The following MCUB variants were observed in gnomAD, a reference collection of about 807,000 sequenced individuals.
MCUB encodes the protein calcium uniporter regulatory subunit MCUb, mitochondrial.
In MCUB, 46 loss-of-function variants were observed where a neutral mutation model predicts 41.4. The ratio of observed to expected loss-of-function variants is 1.11; its 90% confidence interval spans 0.88 to 1.42. The LOEUF is 1.42. MCUB is among the 40% of genes most tolerant of loss of function. The probability of loss-of-function intolerance (pLI) is 0.00; values close to 1 mark genes in which losing one functional copy is unlikely to be tolerated. For missense variants in MCUB, 403 were observed against 404.9 expected (o/e 1.00, Z 0.04); for synonymous variants, 148 against 148.2 (o/e 1.00, Z 0.01).
chr4:109,616,615 G>A (rs1728133396), intron 1 of MCUB, among the ~76,000 whole-genome samples: 1 of 152,132 alleles, frequency 6.6e-6, no homozygotes, highest in South Asian at 2.1e-4. Flanking sequence ...TCTTGAGAGA[G>A]TTGCATACGT....
At chr4:109,565,296 A>G (rs1012064659) in intron 1 of MCUB, among the ~76,000 whole-genome samples, 1 of 152,222 alleles carries the variant, frequency 6.6e-6, no homozygotes, top group Non-Finnish European at 1.5e-5. Flanking sequence ...TTGCATAAAC[A>G]ACACCACTGG....
Position 109,666,894 on chromosome 4 carries a change from G to A in MCUB, c.451+2500G>A, listed in dbSNP as rs1471016213. The stretch of plus-strand genomic sequence containing the variant: ...AGTCTGTTGATATGATGGATTACAT[G>A]AATTCATATTCAAGTGTTGAGCCTT... On this transcript the variant is annotated intron_variant, in intron 4 of 7. Coordinates refer to ENST00000394650, the MANE Select transcript of MCUB (RefSeq NM_017918.5). 3.3e-5 allele frequency among the ~76,000 whole-genome samples: 5 copies of A among 152,234 alleles called. No individual in the cohort carries two copies. The South Asian group carries it at 1.0e-3, about 32-fold the overall frequency.
At chr4:109,584,360 C>G (rs763067358) in intron 1 of MCUB, among the ~76,000 whole-genome samples, 1 of 152,120 alleles carries the variant, frequency 6.6e-6, no homozygotes, top group Non-Finnish European at 1.5e-5. Flanking sequence ...ATTAGTCTTG[C>G]TAGCAGTCTA....
chr4:109,663,073 C>T (rs190090966), intron 3 of MCUB, among the ~76,000 whole-genome samples: 2 of 152,302 alleles, frequency 1.3e-5, no homozygotes, highest in Non-Finnish European at 2.9e-5. Context: ...AGACAAGAGG[C>T]AGCAGCCAGT....
intron 1 of MCUB, among the ~76,000 whole-genome samples, chr4:109,648,099 A>G (rs780532032): frequency 6.6e-6 from 1 of 152,240 alleles, no homozygotes; most frequent in African/African-American, 2.4e-5. Context: ...CAATATACCC[A>G]AATATTTCAA....
rs190205279 is a variant in MCUB at position 109,645,702 on chromosome 4, C to T, written c.100-13309C>T. Reference sequence around the variant, plus strand: ...TTTCTCTACTCACTGCATAGAGAGCCCTGCTCAGTGTACCCACTGTGCATG... The same window carrying T: ...TTTCTCTACTCACTGCATAGAGAGCTCTGCTCAGTGTACCCACTGTGCATG... On this transcript the variant is annotated intron_variant, in intron 1 of 7. Transcript: ENST00000394650. Among the ~76,000 whole-genome samples the T allele has an allele frequency of 7.9e-5, 12 of 152,240 alleles. No homozygotes were observed. The East Asian group carries it at 2.3e-3, about 30-fold the overall frequency.
intron 1 of MCUB, chr4:109,648,694 AT>A (rs34522361): frequency 0.12 from 28,459 of 236,492 alleles, 393 homozygotes; most frequent in African/African-American, 0.17. Flanking sequence ...TAGCAGTTTG[AT>A]TTTTTTTTTT....
intron 1 of MCUB, among the ~76,000 whole-genome samples, chr4:109,609,587 C>T (rs548261301): frequency 6.6e-6 from 1 of 152,268 alleles, no homozygotes; most frequent in South Asian, 2.1e-4. Context: ...TGTCTAACCT[C>T]CTGGGAATGT....
chr4:109,622,365 A>T (rs992358118), intron 1 of MCUB, among the ~76,000 whole-genome samples: 4 of 152,180 alleles, frequency 2.6e-5, no homozygotes, highest in African/African-American at 7.2e-5. Context: ...TAAAGAAAAA[A>T]TTTTTAATAA....
At chr4:109,664,535 C>G (rs1000137943) in intron 4 of MCUB, 141 bp downstream of exon 4, 1 of 556,784 alleles carries the variant, frequency 1.8e-6, no homozygotes, top group Non-Finnish European at 3.2e-6. Context: ...AACAATCCTC[C>G]CACCTCAGCC....
chr4:109,685,706 A>G (rs1729824577), intron 7 of MCUB, among the ~76,000 whole-genome samples: 2 of 152,250 alleles, frequency 1.3e-5, no homozygotes, highest in South Asian at 4.1e-4. Flanking sequence ...TAAGGCATTT[A>G]TAAGTTTCTT....
intron 1 of MCUB, among the ~76,000 whole-genome samples, chr4:109,611,225 G>A (rs1299767116): frequency 6.6e-6 from 1 of 152,174 alleles, no homozygotes; most frequent in African/African-American, 2.4e-5. Context: ...CAAGGTCTAG[G>A]CTTCTGTAAA....
intron 4 of MCUB, among the ~76,000 whole-genome samples, chr4:109,669,710 T>TC (rs1729415293): frequency 6.6e-6 from 1 of 151,532 alleles, no homozygotes; most frequent in Non-Finnish European, 1.5e-5. Context: ...TTTTTTTTTT[T>TC]CAGTCTTTTT....
intron 1 of MCUB, among the ~76,000 whole-genome samples, chr4:109,600,849 C>G (rs1477192119): frequency 6.6e-6 from 1 of 152,038 alleles, no homozygotes; most frequent in African/African-American, 2.4e-5. Flanking sequence ...GGCAGGAGTA[C>G]AGTGGCATAA....
At chr4:109,614,030 A>G (rs1448032940) in intron 1 of MCUB, among the ~76,000 whole-genome samples, 2 of 152,192 alleles carry the variant, frequency 1.3e-5, no homozygotes, top group African/African-American at 2.4e-5. Flanking sequence ...AGGTTCATGT[A>G]TCCACCACCA....
rs772480053 is a variant in MCUB, at chr4:109,684,555, T to C, written c.725T>C (p.Val242Ala). ...GGALAWLTWW[V>A]YSWDIMEPVT... ...GCACTGGCCTGGCTCACGTGGTGGG[T>C]GTACTCCTGGGATATCATGGAGCCA... is the stretch of plus-strand genomic sequence containing the variant. The change falls in exon 6 of 8, where the codon GTG becomes GCG. Residue 242 changes from valine to alanine, a missense_variant. Val to Ala is a moderately conservative substitution (Grantham distance 64, BLOSUM62 0). Coordinates refer to ENST00000394650, the MANE Select transcript of MCUB (RefSeq NM_017918.5). 8 of 1,610,008 alleles carry C rather than the reference T, an allele frequency of 5.0e-6. No homozygotes were observed. The Admixed American group carries it at 1.3e-4, about 27-fold the overall frequency.
At chr4:109,579,406 C>T (rs113130786) in intron 1 of MCUB, among the ~76,000 whole-genome samples, 16,655 of 151,214 alleles carry the variant, frequency 0.11, 1,002 homozygotes, top group Non-Finnish European at 0.13. Flanking sequence ...CATGCCACCA[C>T]GCCCAGCTAA....
chr4:109,609,423 G>A (rs1727950872), intron 1 of MCUB, among the ~76,000 whole-genome samples: 1 of 152,128 alleles, frequency 6.6e-6, no homozygotes. Context: ...GGTGCTGATG[G>A]GAGTGTAGCA....
At chr4:109,656,194 A>T (rs905883760) in intron 1 of MCUB, among the ~76,000 whole-genome samples, 11 of 151,858 alleles carry the variant, frequency 7.2e-5, no homozygotes, top group African/African-American at 2.7e-4. Context: ...CCTGACTCAT[A>T]TGTCTTTAGC....
Sources: allele counts gnomAD v4.1 joint callset (sites outside exome capture counted in the v4.1 genomes callset), GRCh38; gene constraint gnomAD v4.1.1; transcripts MANE v1.5; gene names NCBI Gene and HGNC (gene_info 2026-07-23, HGNC 2026-07-21).